CNTNAP5: variants seen among roughly 807,000 people sequenced by gnomAD.
CNTNAP5 encodes the protein contactin associated protein family member 5, also known as contactin-associated protein-like 5.
CNTNAP5 carries 72 observed loss-of-function variants against 150.2 expected under a neutral mutation model. The ratio of observed to expected loss-of-function variants is 0.48; its 90% CI spans 0.40 to 0.58. The LOEUF (loss-of-function observed/expected upper bound fraction) is 0.58, where lower values mean the gene tolerates loss of function less well. CNTNAP5 is among the 20% of genes least tolerant of loss of function. The probability of loss-of-function intolerance (pLI) is 0.00; values close to 1 mark genes in which losing one functional copy is unlikely to be tolerated. For missense variants in CNTNAP5, 1,636 were observed against 1,626.2 expected, an observed-to-expected ratio of 1.01 and a Z score of -0.10; for synonymous variants, 672 against 619.8, an observed-to-expected ratio of 1.08 and a Z score of -1.25.
At chr2:124,376,509 T>TA (rs995750053) in intron 3 of CNTNAP5, among the ~76,000 whole-genome samples, 2 of 152,106 alleles carry the variant, frequency 1.3e-5, no homozygotes, top group African/African-American at 4.8e-5. Flanking sequence ...TCATGATCTT[T>TA]ATGAGTGCCT....
chr2:124,417,140 A>G (rs1691939244), intron 3 of CNTNAP5, among the ~76,000 whole-genome samples: 1 of 151,768 alleles, frequency 6.6e-6, no homozygotes, highest in Admixed American at 6.6e-5. Flanking sequence ...GTGTTTCACC[A>G]TGCTAGCCAG....
intron 14 of CNTNAP5, among the ~76,000 whole-genome samples, chr2:124,761,858 T>C (rs1375959453): frequency 6.6e-6 from 1 of 152,148 alleles, no homozygotes; most frequent in Non-Finnish European, 1.5e-5. Context: ...GTGCTATTTT[T>C]AGATCCCAAC....
chr2:124,409,903 A>G (rs1691698537), intron 3 of CNTNAP5, among the ~76,000 whole-genome samples: 1 of 151,336 alleles, frequency 6.6e-6, no homozygotes, highest in Non-Finnish European at 1.5e-5. Flanking sequence ...TAAATGGACT[A>G]AATGCTCCAA....
At chr2:124,772,498 A>G (rs573522532) in intron 16 of CNTNAP5, among the ~76,000 whole-genome samples, 5 of 152,260 alleles carry the variant, frequency 3.3e-5, no homozygotes, top group Admixed American at 2.6e-4. Flanking sequence ...TGAAGCCACA[A>G]TAGATCCAGA....
intron 17 of CNTNAP5, among the ~76,000 whole-genome samples, chr2:124,781,642 T>C (rs1456830342): frequency 6.6e-6 from 1 of 152,006 alleles, no homozygotes; most frequent in South Asian, 2.1e-4. Context: ...TGCTGTCTAT[T>C]TGGGGTACTC....
intron 3 of CNTNAP5, among the ~76,000 whole-genome samples, chr2:124,344,444 G>A (rs567824041): frequency 1.3e-4 from 20 of 152,170 alleles, no homozygotes; most frequent in Non-Finnish European, 2.4e-4. Context: ...AGAGAAATAG[G>A]CCAAAAGAGA....
intron 10 of CNTNAP5, among the ~76,000 whole-genome samples, chr2:124,562,079 A>T (rs1255336868): frequency 6.6e-6 from 1 of 152,160 alleles, no homozygotes; most frequent in Non-Finnish European, 1.5e-5. Context: ...AGGTGCAAAG[A>T]ATAACCCAAA....
At chr2:124,134,414 T>G (rs1449583762) in intron 1 of CNTNAP5, among the ~76,000 whole-genome samples, 1 of 151,974 alleles carries the variant, frequency 6.6e-6, no homozygotes, top group African/African-American at 2.4e-5. Context: ...CACACCTGGG[T>G]TCCAGACAGA....
chr2:124,851,461 G>A (rs1683154566), intron 19 of CNTNAP5, among the ~76,000 whole-genome samples: 2 of 152,194 alleles, frequency 1.3e-5, no homozygotes, highest in African/African-American at 4.8e-5. Flanking sequence ...TAAAGGAATG[G>A]GGTGTTGCCT....
At chr2:124,101,420 G>T (rs1573754237) in intron 1 of CNTNAP5, among the ~76,000 whole-genome samples, 4 of 152,028 alleles carry the variant, frequency 2.6e-5, no homozygotes, top group Admixed American at 2.6e-4. Flanking sequence ...CTCTAATTAG[G>T]TGCTCACCTA....
At chr2:124,455,245 A>G (rs1206550354) in intron 6 of CNTNAP5, among the ~76,000 whole-genome samples, 1 of 152,158 alleles carries the variant, frequency 6.6e-6, no homozygotes, top group Admixed American at 6.6e-5. Flanking sequence ...AGAGATACAA[A>G]AGATCATTAA....
At chr2:124,859,713 G>A (rs1228302913) in intron 19 of CNTNAP5, among the ~76,000 whole-genome samples, 2 of 152,144 alleles carry the variant, frequency 1.3e-5, no homozygotes, top group Non-Finnish European at 1.5e-5. Context: ...TATACACCAT[G>A]GAATACTATG....
chr2:124,619,900 G>A (rs1426685443), intron 12 of CNTNAP5, among the ~76,000 whole-genome samples: 1 of 95,308 alleles, frequency 1.0e-5, no homozygotes, highest in African/African-American at 5.7e-5. Context: ...TTCTCTCACT[G>A]TCTCATTCAT....
intron 4 of CNTNAP5, among the ~76,000 whole-genome samples, chr2:124,419,989 T>TTTTTTTC (rs1692057026): frequency 1.2e-5 from 1 of 85,788 alleles, no homozygotes; most frequent in Non-Finnish European, 2.6e-5. Context: ...TCTTTCTTTC[T>TTTTTTTC]TTTTTTTTTT....
At chr2:124,628,402 G>A (rs1677776120) in intron 12 of CNTNAP5, among the ~76,000 whole-genome samples, 1 of 152,126 alleles carries the variant, frequency 6.6e-6, no homozygotes, top group African/African-American at 2.4e-5. Context: ...GAGCTTGGGG[G>A]CCAATATTCA....
intron 8 of CNTNAP5, among the ~76,000 whole-genome samples, chr2:124,517,686 T>C (rs1694757491): frequency 7.1e-6 from 1 of 141,124 alleles, no homozygotes; most frequent in East Asian, 2.2e-4. Flanking sequence ...GTTGTGGTGT[T>C]TGTGATGGAG....
intron 1 of CNTNAP5, among the ~76,000 whole-genome samples, chr2:124,097,790 C>T (rs912223209): frequency 2.0e-5 from 3 of 152,092 alleles, no homozygotes; most frequent in Non-Finnish European, 2.9e-5. Context: ...GCACTTTGGG[C>T]GGCCGAGGCG....
intron 11 of CNTNAP5, among the ~76,000 whole-genome samples, chr2:124,573,621 C>A (rs1696213819): frequency 6.6e-6 from 1 of 152,176 alleles, no homozygotes; most frequent in Non-Finnish European, 1.5e-5. Context: ...AAATTAGCAC[C>A]TATTTTTAAT....
chr2:124,665,577 A>G (rs1678680710), intron 13 of CNTNAP5, among the ~76,000 whole-genome samples: 1 of 152,124 alleles, frequency 6.6e-6, no homozygotes, highest in Admixed American at 6.5e-5. Flanking sequence ...GTCTCCATAT[A>G]TATGTTGATG....
Sources: gnomAD v4.1 joint callset for allele counts (sites outside exome capture counted in the v4.1 genomes callset) on GRCh38, gnomAD v4.1.1 for gene constraint, MANE v1.5 for transcripts, NCBI Gene and HGNC (gene_info 2026-07-23, HGNC 2026-07-21) for gene names.